The following FHIT variants were observed in gnomAD, a reference collection of about 807,000 sequenced individuals.
The protein encoded by FHIT is fragile histidine triad diadenosine triphosphatase, also known as bis(5'-adenosyl)-triphosphatase.
In FHIT, 19 loss-of-function variants were observed where a neutral mutation model predicts 17.9. That is an observed-to-expected ratio of 1.06 (90% CI 0.74 to 1.56). The LOEUF is 1.56. FHIT is among the 40% of genes most tolerant of loss of function. The pLI is 0.00. For synonymous variants in FHIT, 81 were observed against 69.7 expected (o/e 1.16, Z -0.81); for missense variants, 248 against 189.2 (o/e 1.31, Z -1.82).
intron 8 of FHIT, among the ~76,000 whole-genome samples, chr3:59,881,590 A>T (rs1703412749): frequency 6.6e-6 from 1 of 152,200 alleles, no homozygotes. Flanking sequence ...CCCAAAACAA[A>T]ACAAATCTAT....
At chr3:60,082,179 C>A (rs1291374506) in intron 5 of FHIT, among the ~76,000 whole-genome samples, 1 of 151,898 alleles carries the variant, frequency 6.6e-6, no homozygotes, top group Non-Finnish European at 1.5e-5. Flanking sequence ...CCATGTGTAC[C>A]ATGTTTGTCT....
At chr3:60,417,791 G>A (rs1702306425) in intron 5 of FHIT, among the ~76,000 whole-genome samples, 1 of 152,146 alleles carries the variant, frequency 6.6e-6, no homozygotes, top group African/African-American at 2.4e-5. Flanking sequence ...TGTTAACTGT[G>A]ATTAACGGCC....
chr3:60,395,052 T>G (rs1341729148), intron 5 of FHIT, among the ~76,000 whole-genome samples: 1 of 152,162 alleles, frequency 6.6e-6, no homozygotes, highest in Non-Finnish European at 1.5e-5. Context: ...AATGTGGCTT[T>G]TGGAGAAGTC....
intron 5 of FHIT, among the ~76,000 whole-genome samples, chr3:60,230,437 C>A (rs1704436493): frequency 6.6e-6 from 1 of 152,128 alleles, no homozygotes; most frequent in South Asian, 2.1e-4. Context: ...TTAAAAATAA[C>A]ATTATCTGAT....
chr3:60,645,149 C>T (rs1253667125), intron 4 of FHIT, among the ~76,000 whole-genome samples: 1 of 152,144 alleles, frequency 6.6e-6, no homozygotes, highest in Non-Finnish European at 1.5e-5. Flanking sequence ...CCTTCAGTTA[C>T]TGTATTGAAG....
In FHIT at chr3:60,746,656, G is replaced by C. The variant is rs189711992; in HGVS notation, c.-18+75263C>G. 7.9e-5 allele frequency among the ~76,000 whole-genome samples: 12 copies of C among 152,302 alleles called. 1 individual carries two copies. Among genetic ancestry groups the C allele is most frequent in the African/African-American group, 2.9e-4 (12 of 41,570 alleles). ...GAATGTGAGGAAAGCACAAGGAGGGGCCAGAAGGTGTCAGCTGGTGGAGGA... is the reference window on the plus strand; with the variant it reads ...GAATGTGAGGAAAGCACAAGGAGGGCCCAGAAGGTGTCAGCTGGTGGAGGA... On this transcript the variant is annotated intron_variant, in intron 4 of 9. Coordinates refer to ENST00000492590, the MANE Select transcript of FHIT (RefSeq NM_002012.4).
chr3:61,068,679 AC>A (rs1484338733), intron 2 of FHIT, among the ~76,000 whole-genome samples: 1 of 151,978 alleles, frequency 6.6e-6, no homozygotes, highest in African/African-American at 2.4e-5. Flanking sequence ...GCATGATTCT[AC>A]CTACCACACC....
At chr3:60,688,367 A>T (rs2040906793) in intron 4 of FHIT, among the ~76,000 whole-genome samples, 1 of 152,086 alleles carries the variant, frequency 6.6e-6, no homozygotes, top group African/African-American at 2.4e-5. Context: ...ACAAACATAT[A>T]CTATCCCCTT....
At chr3:59,966,171 A>G (rs1707917098) in intron 7 of FHIT, among the ~76,000 whole-genome samples, 1 of 152,198 alleles carries the variant, frequency 6.6e-6, no homozygotes, top group Non-Finnish European at 1.5e-5. Flanking sequence ...TATTCAAACA[A>G]ATAAGACTCT....
chr3:59,845,752 G>T (rs916392680), intron 8 of FHIT, among the ~76,000 whole-genome samples: 1 of 152,126 alleles, frequency 6.6e-6, no homozygotes, highest in African/African-American at 2.4e-5. Flanking sequence ...GTATGCTGTT[G>T]TTAGGTAGAG....
At chr3:60,257,436 G>A (rs539594878) in intron 5 of FHIT, among the ~76,000 whole-genome samples, 2 of 152,154 alleles carry the variant, frequency 1.3e-5, no homozygotes, top group African/African-American at 4.8e-5. Context: ...AACTCCGTGG[G>A]TGCCACACAT....
chr3:60,860,866 A>G lies in FHIT; in HGVS notation c.-110-38855T>C, dbSNP rs191747608. On this transcript the variant is annotated intron_variant, in intron 3 of 9. Transcript: ENST00000492590. ...ATCAGGTATATATGAACATATGTACATATATATCATGTATATATGAACATA... is the reference window on the plus strand; with the variant it reads ...ATCAGGTATATATGAACATATGTACGTATATATCATGTATATATGAACATA... Among the ~76,000 whole-genome samples the G allele has an allele frequency of 1.6e-3, 146 of 89,518 alleles. 29 individuals carry two copies. Among genetic ancestry groups the G allele is most frequent in the East Asian group, 3.3e-3 (12 of 3,658 alleles). The allele number at this position is 89,518 out of a possible 152,430, so 58.7% of individuals were successfully genotyped here.
At chr3:59,904,074 TC>T (rs1704464450) in intron 8 of FHIT, among the ~76,000 whole-genome samples, 1 of 151,174 alleles carries the variant, frequency 6.6e-6, no homozygotes, top group African/African-American at 2.4e-5. Flanking sequence ...TCTTTTTTTT[TC>T]TCCCCCACAC....
intron 8 of FHIT, among the ~76,000 whole-genome samples, chr3:59,803,704 C>G (rs995037516): frequency 6.6e-6 from 1 of 152,126 alleles, no homozygotes; most frequent in Non-Finnish European, 1.5e-5. Flanking sequence ...TGGCTTTGTT[C>G]CCCAAATTTC....
chr3:61,063,628 AAC>A (rs1443956273), intron 2 of FHIT, among the ~76,000 whole-genome samples: 1 of 152,170 alleles, frequency 6.6e-6, no homozygotes, highest in Non-Finnish European at 1.5e-5. Context: ...AAGGTTCACA[AAC>A]ACAAATGAAT....
chr3:60,734,062 C>T (rs1553711987), intron 4 of FHIT, among the ~76,000 whole-genome samples: 4 of 152,086 alleles, frequency 2.6e-5, no homozygotes, highest in Admixed American at 6.5e-5. Flanking sequence ...AGCAACTGTC[C>T]CAATCCTACA....
chr3:60,516,253 A>C (rs1482029878), intron 5 of FHIT, among the ~76,000 whole-genome samples: 2 of 152,228 alleles, frequency 1.3e-5, no homozygotes, highest in Non-Finnish European at 2.9e-5. Flanking sequence ...TAATAAACCC[A>C]TATGTTAATG....
At chr3:59,797,967 A>G (rs943369432) in intron 8 of FHIT, among the ~76,000 whole-genome samples, 16 of 152,192 alleles carry the variant, frequency 1.1e-4, no homozygotes, top group African/African-American at 3.9e-4. Flanking sequence ...GAACCTGAAC[A>G]TTTACTACCA....
intron 3 of FHIT, among the ~76,000 whole-genome samples, chr3:60,892,342 G>A (rs1705559876): frequency 6.6e-6 from 1 of 152,092 alleles, no homozygotes; most frequent in Admixed American, 6.6e-5. Context: ...CTTTAACACT[G>A]ACAGCTACCC....
Sources: allele counts gnomAD v4.1 joint callset (sites outside exome capture counted in the v4.1 genomes callset), GRCh38; gene constraint gnomAD v4.1.1; transcripts MANE v1.5; gene names NCBI Gene and HGNC (gene_info 2026-07-23, HGNC 2026-07-21).